The following WLS variants were observed in gnomAD, a reference collection of about 807,000 sequenced individuals.
WLS encodes protein wntless homolog.
In WLS, 23 loss-of-function variants were observed where a neutral mutation model predicts 62.8. The observed-to-expected ratio is 0.37, with a 90% CI of 0.26 to 0.52. The LOEUF is 0.52. Among genes scored for constraint, WLS ranks in the 20% least tolerant of loss-of-function variants. WLS has a pLI of 0.92. For missense variants in WLS, 615 were observed against 697.3 expected, an observed-to-expected ratio of 0.88 and a Z score of 1.33; for synonymous variants, 246 against 244.1, an observed-to-expected ratio of 1.01 and a Z score of -0.07.
At chr1:68,169,810 C>T (rs1236531259) in intron 2 of WLS, among the ~76,000 whole-genome samples, 1 of 152,200 alleles carries the variant, frequency 6.6e-6, no homozygotes, top group Admixed American at 6.5e-5. Flanking sequence ...CCTTAAATGG[C>T]ATAATTGGCT....
chr1:68,146,651 A>G (rs938978886), intron 8 of WLS, among the ~76,000 whole-genome samples: 4 of 152,212 alleles, frequency 2.6e-5, no homozygotes, highest in African/African-American at 9.6e-5. Flanking sequence ...ACCAGGGATG[A>G]AGGACTATTT....
chr1:68,183,551 T>A (rs1208629964), intron 2 of WLS: 1 of 533,584 alleles, frequency 1.9e-6, no homozygotes, highest in East Asian at 5.5e-5. Context: ...CAAAAATTAG[T>A]TCCCAGAAGG....
At chr1:68,119,494 A>G (rs1054497382) in intron 11 of WLS, among the ~76,000 whole-genome samples, 1 of 152,204 alleles carries the variant, frequency 6.6e-6, no homozygotes, top group Non-Finnish European at 1.5e-5. Context: ...CCTAGTTCCA[A>G]GTAGCTAAGA....
intron 11 of WLS, among the ~76,000 whole-genome samples, chr1:68,136,310 G>C (rs973293881): frequency 6.6e-5 from 10 of 152,110 alleles, no homozygotes; most frequent in Admixed American, 2.0e-4. Flanking sequence ...TAAAGAACTG[G>C]TCCTTGCCCT....
chr1:68,119,208 T>C (rs1189654868), intron 11 of WLS, among the ~76,000 whole-genome samples: 3 of 152,204 alleles, frequency 2.0e-5, no homozygotes, highest in Non-Finnish European at 4.4e-5. Flanking sequence ...AAGGGCAGGT[T>C]ATATAACTGT....
At chr1:68,138,997 T>G (rs1646649896) in intron 10 of WLS, among the ~76,000 whole-genome samples, 1 of 152,234 alleles carries the variant, frequency 6.6e-6, no homozygotes, top group East Asian at 1.9e-4. Flanking sequence ...ATCTTCTGTA[T>G]AATCCATAAC....
chr1:68,200,387 T>A (rs1648936658), intron 1 of WLS, among the ~76,000 whole-genome samples: 1 of 151,802 alleles, frequency 6.6e-6, no homozygotes, highest in Non-Finnish European at 1.5e-5. Context: ...TTCTCTATCT[T>A]GTTCCATAAA....
At position 68,144,614 on chromosome 1, in the gene WLS, G is replaced by A. The variant is rs775132220; in HGVS notation, c.1317C>T (p.Thr439=). 5 of 1,613,568 alleles carry A rather than the reference G, an allele frequency of 3.1e-6. No individual in the cohort carries two copies. The Admixed American group carries it at 8.3e-5, about 27-fold the overall frequency. The change falls in exon 10 of 12, where the codon ACC becomes ACT. Residue 439 remains threonine (T), a synonymous_variant. Coordinates refer to ENST00000262348, the MANE Select transcript of WLS (RefSeq NM_024911.7). ...IFRFKFLMLI[T]LACAAMTVIF... Reference sequence around the variant, plus strand: ...TGACAGTCATGGCAGCGCAGGCCAAGGTGATAAGCATGAGGAACTTGAACC... The same window carrying A: ...TGACAGTCATGGCAGCGCAGGCCAAAGTGATAAGCATGAGGAACTTGAACC...
intron 2 of WLS, among the ~76,000 whole-genome samples, chr1:68,193,444 G>GA (rs111934768): frequency 0.059 from 2,091 of 35,666 alleles, 177 homozygotes; most frequent in African/African-American, 0.15. Flanking sequence ...AAAAAAAAAC[G>GA]AAAAAAAAAC....
intron 3 of WLS, among the ~76,000 whole-genome samples, chr1:68,158,682 T>C (rs1418165346): frequency 6.6e-6 from 1 of 152,138 alleles, no homozygotes; most frequent in Non-Finnish European, 1.5e-5. Flanking sequence ...CTGGGCTGCA[T>C]GCGGCCCGCA....
chr1:68,192,940 CAAAA>C (rs112624515), intron 2 of WLS, among the ~76,000 whole-genome samples: 34 of 126,736 alleles, frequency 2.7e-4, no homozygotes, highest in East Asian at 6.7e-4. Context: ...ACTAAAAATA[CAAAA>C]AAAAAAAAAA....
At chr1:68,226,378 G>T (rs1254776904) in intron 1 of WLS, among the ~76,000 whole-genome samples, 1 of 152,010 alleles carries the variant, frequency 6.6e-6, no homozygotes, top group Non-Finnish European at 1.5e-5. Flanking sequence ...TGTAAAAGGG[G>T]TACAAAAATA....
At chr1:68,229,779 C>A (rs72670465) in intron 1 of WLS, among the ~76,000 whole-genome samples, 3,274 of 152,234 alleles carry the variant, frequency 0.022, 46 homozygotes, top group Non-Finnish European at 0.036. Context: ...TGGGCTAGAT[C>A]TGATCTGAAT....
At chr1:68,154,770 T>C (rs1321522116) in intron 4 of WLS, among the ~76,000 whole-genome samples, 2 of 152,238 alleles carry the variant, frequency 1.3e-5, no homozygotes, top group Middle Eastern at 3.2e-3. Context: ...TTTTAACATT[T>C]GTGCTTGCAA....
downstream of WLS, chr1:68,125,240 G>A: frequency 1.2e-6 from 1 of 862,450 alleles, no homozygotes; most frequent in Non-Finnish European, 1.4e-6. Context: ...TCCAGGAATA[G>A]GTATTATCCC....
At chr1:68,197,096 T>C (rs866822122) in intron 1 of WLS, among the ~76,000 whole-genome samples, 24 of 152,146 alleles carry the variant, frequency 1.6e-4, no homozygotes, top group African/African-American at 1.4e-4. Context: ...CTTTATTTTT[T>C]ACCTTCTTGA....
At chr1:68,166,323 C>T (rs182606088) in intron 2 of WLS, among the ~76,000 whole-genome samples, 38 of 152,318 alleles carry the variant, frequency 2.5e-4, no homozygotes, top group Admixed American at 2.0e-3. Context: ...GAAGAAGCCC[C>T]TCAAAGCAGT....
chr1:68,182,811 G>T (rs974308583), intron 2 of WLS, among the ~76,000 whole-genome samples: 1 of 152,142 alleles, frequency 6.6e-6, no homozygotes, highest in Admixed American at 6.5e-5. Context: ...ATTTCTGCTT[G>T]CATTGACTCA....
intron 1 of WLS, among the ~76,000 whole-genome samples, chr1:68,227,650 T>C (rs1343367650): frequency 5.3e-5 from 8 of 152,200 alleles, no homozygotes; most frequent in South Asian, 4.2e-4. Context: ...ATACTTCTAG[T>C]AGTTAACAAA....
Sources: gnomAD v4.1 joint callset for allele counts (sites outside exome capture counted in the v4.1 genomes callset) on GRCh38, gnomAD v4.1.1 for gene constraint, MANE v1.5 for transcripts, NCBI Gene and HGNC (gene_info 2026-07-23, HGNC 2026-07-21) for gene names.